PTK2: variants seen among roughly 807,000 people sequenced by gnomAD.
PTK2 encodes focal adhesion kinase 1.
PTK2 carries 45 observed loss-of-function variants against 150.1 expected under a neutral mutation model. The observed-to-expected ratio is 0.30, with a 90% CI of 0.24 to 0.38. PTK2 has a LOEUF of 0.38. Among genes scored for constraint, PTK2 ranks in the 10% least tolerant of loss-of-function variants. The pLI, the probability that PTK2 is intolerant of heterozygous loss-of-function variation, is 1.00. For missense variants in PTK2, 919 were observed against 1,307.3 expected, an observed-to-expected ratio of 0.70 and a Z score of 4.58; for synonymous variants, 432 against 449.2, an observed-to-expected ratio of 0.96 and a Z score of 0.48.
At chr8:140,812,188 A>C (rs1025196397) in intron 10 of PTK2, among the ~76,000 whole-genome samples, 1 of 152,248 alleles carries the variant, frequency 6.6e-6, no homozygotes, top group Non-Finnish European at 1.5e-5. Context: ...AAGGCCCATC[A>C]GATAAACAGC....
intron 22 of PTK2, among the ~76,000 whole-genome samples, chr8:140,720,529 ACT>A (rs2100042305): frequency 6.6e-6 from 1 of 152,058 alleles, no homozygotes; most frequent in South Asian, 2.1e-4. Context: ...ACCATGGACA[ACT>A]CTGTCCCTCC....
intron 14 of PTK2, among the ~76,000 whole-genome samples, chr8:140,782,575 G>A (rs914484639): frequency 4.0e-5 from 6 of 151,802 alleles, no homozygotes; most frequent in Admixed American, 1.3e-4. Flanking sequence ...TCAGTGTCCC[G>A]TAGATTTGGT....
intron 23 of PTK2, among the ~76,000 whole-genome samples, chr8:140,714,747 A>AGATT (rs2100038653): frequency 7.2e-6 from 1 of 138,436 alleles, no homozygotes; most frequent in South Asian, 2.4e-4. Context: ...CAATGAGCCA[A>AGATT]GATTGCGCCA....
intron 2 of PTK2, among the ~76,000 whole-genome samples, chr8:140,898,949 A>G (rs1237605692): frequency 6.6e-6 from 1 of 152,236 alleles, no homozygotes; most frequent in African/African-American, 2.4e-5. Flanking sequence ...CCTAACTTGA[A>G]GAGCTTTAAG....
intron 22 of PTK2, among the ~76,000 whole-genome samples, chr8:140,733,134 G>A (rs376042392): frequency 9.2e-5 from 14 of 152,304 alleles, no homozygotes; most frequent in African/African-American, 3.4e-4. Context: ...GGAAAAGAGC[G>A]TGGGATGGAG....
chr8:140,967,461 C>CTTTTT (rs137959476), intron 1 of PTK2, among the ~76,000 whole-genome samples: 2 of 121,542 alleles, frequency 1.6e-5, no homozygotes, highest in African/African-American at 6.0e-5. Flanking sequence ...TTCTTTCTTT[C>CTTTTT]TTTTTTTTTT....
chr8:140,912,350 A>G (rs1401770723), intron 2 of PTK2, among the ~76,000 whole-genome samples: 1 of 151,384 alleles, frequency 6.6e-6, no homozygotes, highest in Non-Finnish European at 1.5e-5. Context: ...AAAAAAATTC[A>G]TACTTGAGTA....
chr8:140,822,270 A>C (rs1447299746), intron 8 of PTK2: 3 of 152,166 alleles, frequency 2.0e-5, no homozygotes, highest in Non-Finnish European at 4.4e-5. Flanking sequence ...GTACAGCTGG[A>C]AAAAGAGCAT....
rs568847661 is a variant in PTK2, at chr8:140,919,045, C to T, written c.-33+6616G>A. On this transcript the variant is annotated intron_variant, in intron 2 of 31. Coordinates refer to ENST00000522684, the Ensembl canonical transcript of PTK2. ...TTTACTAAGATAGTTACACACTGGG[C>T]AATCACAATGGAAGCAGTGTGTGCA... Among the ~76,000 whole-genome samples, 3 of 152,250 alleles carry T rather than the reference C, an allele frequency of 2.0e-5. No homozygotes were observed. In the East Asian group the frequency reaches 5.8e-4, roughly 29 times the overall value.
intron 4 of PTK2, among the ~76,000 whole-genome samples, chr8:140,871,965 T>C (rs778394186): frequency 1.4e-4 from 22 of 151,990 alleles, no homozygotes; most frequent in Non-Finnish European, 2.6e-4. Flanking sequence ...TCCCAGCACT[T>C]TGGGAGGCCA....
intron 3 of PTK2, among the ~76,000 whole-genome samples, chr8:140,888,668 T>G (rs2100153165): frequency 6.6e-6 from 1 of 152,240 alleles, no homozygotes; most frequent in South Asian, 2.1e-4. Flanking sequence ...ACTGACTCTA[T>G]GGTAGTAATC....
At chr8:140,974,595 G>C (rs923859927) in intron 1 of PTK2, among the ~76,000 whole-genome samples, 1 of 152,194 alleles carries the variant, frequency 6.6e-6, no homozygotes, top group African/African-American at 2.4e-5. Context: ...GGCAGTTTGA[G>C]ATGCATTACA....
intron 1 of PTK2, among the ~76,000 whole-genome samples, chr8:140,970,593 T>C (rs1054490152): frequency 6.6e-6 from 1 of 152,254 alleles, no homozygotes; most frequent in African/African-American, 2.4e-5. Flanking sequence ...AACTGTCCAC[T>C]TTGCTCCACA....
At chr8:140,834,972 T>C (rs2100117821) in intron 7 of PTK2, among the ~76,000 whole-genome samples, 1 of 152,226 alleles carries the variant, frequency 6.6e-6, no homozygotes, top group Admixed American at 6.5e-5. Flanking sequence ...GCATGATGAC[T>C]ATGCACCTCC....
chr8:140,849,557 C>T (rs955757700), intron 5 of PTK2, among the ~76,000 whole-genome samples: 1 of 152,198 alleles, frequency 6.6e-6, no homozygotes, highest in Admixed American at 6.5e-5. Flanking sequence ...AGCAGATTTA[C>T]ATGTAATATC....
intron 29 of PTK2, chr8:140,674,055 A>T: frequency 1.5e-6 from 1 of 646,362 alleles, no homozygotes; most frequent in Non-Finnish European, 2.9e-6. Context: ...AATCTGACTG[A>T]ATTCCTAAAA....
intron 1 of PTK2, among the ~76,000 whole-genome samples, chr8:140,970,377 A>G (rs1210503559): frequency 2.0e-5 from 3 of 152,242 alleles, no homozygotes; most frequent in South Asian, 4.1e-4. Context: ...AAAATGTCCA[A>G]GAGACATTTC....
At chr8:140,916,023 G>A (rs1413364288) in intron 2 of PTK2, among the ~76,000 whole-genome samples, 2 of 152,144 alleles carry the variant, frequency 1.3e-5, no homozygotes, top group African/African-American at 2.4e-5. Flanking sequence ...TACTAATAAT[G>A]AGGACCAGAA....
intron 1 of PTK2, among the ~76,000 whole-genome samples, chr8:140,957,883 A>G (rs551954960): frequency 6.6e-6 from 1 of 152,328 alleles, no homozygotes; most frequent in East Asian, 1.9e-4. Context: ...TTGTACAATG[A>G]AATCACCTAA....
Sources: gnomAD v4.1 joint callset for allele counts (sites outside exome capture counted in the v4.1 genomes callset) on GRCh38, gnomAD v4.1.1 for gene constraint, MANE v1.5 for transcripts, NCBI Gene and HGNC (gene_info 2026-07-23, HGNC 2026-07-21) for gene names.